UNC13C: variants seen among roughly 807,000 people sequenced by gnomAD.
The protein encoded by UNC13C is protein unc-13 homolog C.
In UNC13C, 174 loss-of-function variants were observed where a neutral mutation model predicts 245.4. That is an observed-to-expected ratio of 0.71 (90% CI 0.63 to 0.80). The LOEUF (loss-of-function observed/expected upper bound fraction) is 0.80. UNC13C is among the 30% of genes least tolerant of loss of function. The probability of loss-of-function intolerance (pLI) is 0.00; values close to 1 mark genes in which losing one functional copy is unlikely to be tolerated. For missense variants in UNC13C, 2,829 were observed against 2,602.9 expected (o/e 1.09, Z -1.89); for synonymous variants, 992 against 895.1 (o/e 1.11, Z -1.93).
At chr15:54,450,738 C>T (rs951177541) in intron 19 of UNC13C, among the ~76,000 whole-genome samples, 3 of 152,180 alleles carry the variant, frequency 2.0e-5, no homozygotes, top group Non-Finnish European at 2.9e-5. Flanking sequence ...TGATGCCTTG[C>T]CCTGCTTCAG....
chr15:54,266,678 CACATTT>C (rs1241361786), intron 10 of UNC13C, among the ~76,000 whole-genome samples: 4 of 151,970 alleles, frequency 2.6e-5, no homozygotes, highest in South Asian at 4.1e-4. Flanking sequence ...ATAAAATCTA[CACATTT>C]AAAGTGTACA....
intron 4 of UNC13C, among the ~76,000 whole-genome samples, chr15:54,214,367 A>G (rs1347508578): frequency 6.6e-6 from 1 of 151,868 alleles, no homozygotes; most frequent in Admixed American, 6.6e-5. Flanking sequence ...CTACTCGGTG[A>G]GATGTGTCTT....
At chr15:54,199,770 C>T (rs1288391844) in intron 4 of UNC13C, among the ~76,000 whole-genome samples, 1 of 151,944 alleles carries the variant, frequency 6.6e-6, no homozygotes, top group African/African-American at 2.4e-5. Context: ...ACCTATATAA[C>T]AACACAATGA....
intron 14 of UNC13C, among the ~76,000 whole-genome samples, chr15:54,331,577 A>G (rs2038437217): frequency 6.6e-6 from 1 of 152,268 alleles, no homozygotes; most frequent in Middle Eastern, 3.4e-3. Flanking sequence ...GACAAAAACA[A>G]CACCTGCTCC....
chr15:53,894,516 G>T, the UNC13C span, among the ~76,000 whole-genome samples: 3 of 152,166 alleles, frequency 2.0e-5, no homozygotes, highest in Admixed American at 2.0e-4. Flanking sequence ...GACTGGCCTG[G>T]AGTTATGGGC....
intron 4 of UNC13C, among the ~76,000 whole-genome samples, chr15:54,220,939 T>C (rs768303762): frequency 6.6e-6 from 1 of 152,028 alleles, no homozygotes; most frequent in African/African-American, 2.4e-5. Context: ...AATGGTGTAT[T>C]ATTTTATGTA....
chr15:54,231,700 C>T (rs1006119930), intron 4 of UNC13C, among the ~76,000 whole-genome samples: 17 of 152,074 alleles, frequency 1.1e-4, no homozygotes, highest in African/African-American at 4.1e-4. Flanking sequence ...TTTCTGTCTA[C>T]AGTCAATGAC....
chr15:54,475,254 G>A lies in UNC13C; in HGVS notation c.4934-19354G>A, dbSNP rs555703474. Among the ~76,000 whole-genome samples the A allele has an allele frequency of 3.3e-5, 5 of 150,340 alleles. No individual in the cohort carries two copies. The East Asian group carries it at 7.8e-4, about 23-fold the overall frequency. On this transcript the variant is annotated intron_variant, in intron 19 of 32. Transcript: ENST00000260323. Reference sequence around the variant, plus strand: ...TAATATATTTTGAGTTTATTTTTGTGTATAGTGAGAGGGGTATGGTTTTTT... The same window carrying A: ...TAATATATTTTGAGTTTATTTTTGTATATAGTGAGAGGGGTATGGTTTTTT...
chr15:54,287,566 A>G (rs1480115327), intron 10 of UNC13C, among the ~76,000 whole-genome samples: 2 of 152,196 alleles, frequency 1.3e-5, no homozygotes, highest in Non-Finnish European at 1.5e-5. Flanking sequence ...CCTTCAAAGA[A>G]CAAAGCTTAT....
intron 2 of UNC13C, among the ~76,000 whole-genome samples, chr15:54,072,868 CTCTT>C (rs1157535345): frequency 4.3e-5 from 6 of 138,552 alleles, no homozygotes; most frequent in African/African-American, 1.5e-4. Context: ...CATCCACAGC[CTCTT>C]TCTTCTTCTT....
At chr15:54,051,211 C>A (rs1254558963) in intron 2 of UNC13C, among the ~76,000 whole-genome samples, 3 of 152,062 alleles carry the variant, frequency 2.0e-5, no homozygotes, top group Non-Finnish European at 2.9e-5. Context: ...AGGAATGGAT[C>A]CAACTTTTTT....
At chr15:54,225,091 T>C (rs542746485) in intron 4 of UNC13C, among the ~76,000 whole-genome samples, 27 of 99,684 alleles carry the variant, frequency 2.7e-4, no homozygotes, top group African/African-American at 1.1e-3. Flanking sequence ...TTTCAATAGC[T>C]TTTTTTCATT....
At chr15:54,368,939 A>G (rs1180198592) in intron 17 of UNC13C, among the ~76,000 whole-genome samples, 2 of 152,174 alleles carry the variant, frequency 1.3e-5, no homozygotes, top group Non-Finnish European at 2.9e-5. Context: ...ATGTGTTAGT[A>G]GGACATAACC....
intron 14 of UNC13C, among the ~76,000 whole-genome samples, chr15:54,329,899 C>G (rs772808950): frequency 2.6e-5 from 4 of 152,048 alleles, no homozygotes; most frequent in Non-Finnish European, 5.9e-5. Flanking sequence ...TCATGAAATA[C>G]ATTTAACTAA....
At chr15:54,071,184 T>TC (rs1449928372) in intron 2 of UNC13C, among the ~76,000 whole-genome samples, 3 of 152,118 alleles carry the variant, frequency 2.0e-5, no homozygotes, top group African/African-American at 7.2e-5. Context: ...ATATCAAATT[T>TC]CCTTTTTTTA....
chr15:54,157,962 A>G (rs751635951), intron 4 of UNC13C, among the ~76,000 whole-genome samples: 32 of 152,224 alleles, frequency 2.1e-4, no homozygotes, highest in Non-Finnish European at 3.7e-4. Context: ...GAAAATGTAC[A>G]GATTCAAGCT....
intron 4 of UNC13C, among the ~76,000 whole-genome samples, chr15:54,231,124 C>G (rs2035539782): frequency 6.6e-6 from 1 of 151,930 alleles, no homozygotes; most frequent in Non-Finnish European, 1.5e-5. Context: ...CTATTTTGTA[C>G]AATGAAACAG....
At chr15:54,099,437 A>G (rs1900050114) in intron 2 of UNC13C, among the ~76,000 whole-genome samples, 1 of 152,042 alleles carries the variant, frequency 6.6e-6, no homozygotes, top group South Asian at 2.1e-4. Flanking sequence ...TCTCAAGGTG[A>G]CCCTCTCCAG....
At chr15:53,876,946 G>T in the UNC13C span, among the ~76,000 whole-genome samples, 1 of 152,162 alleles carries the variant, frequency 6.6e-6, no homozygotes. Context: ...TGCCAAGAGA[G>T]TAAATCACGG....
Sources: allele counts gnomAD v4.1 joint callset (sites outside exome capture counted in the v4.1 genomes callset), GRCh38; gene constraint gnomAD v4.1.1; transcripts MANE v1.5; gene names NCBI Gene and HGNC (gene_info 2026-07-23, HGNC 2026-07-21).